Variants in TNRC6A observed in about 807,000 individuals in gnomAD.
TNRC6A encodes the protein trinucleotide repeat-containing gene 6A protein.
A neutral mutation model predicts 221.2 loss-of-function variants in TNRC6A; 44 were observed. That is an observed-to-expected ratio of 0.20 (90% CI 0.16 to 0.26). The LOEUF (loss-of-function observed/expected upper bound fraction) is 0.26, where lower values mean the gene tolerates loss of function less well. TNRC6A is among the 10% of genes least tolerant of loss of function. TNRC6A has a pLI of 1.00. For missense variants in TNRC6A, 2,199 were observed against 2,404.4 expected, an observed-to-expected ratio of 0.91 and a Z score of 1.79; for synonymous variants, 847 against 838.5, an observed-to-expected ratio of 1.01 and a Z score of -0.18.
chr16:24,630,037 T>C (rs574875071), intron 1 of TNRC6A, among the ~76,000 whole-genome samples: 133 of 152,230 alleles, frequency 8.7e-4, no homozygotes, highest in African/African-American at 3.1e-3. Context: ...CCTACATAAC[T>C]TTTCATAACT....
chr16:24,791,787 A>G lies in TNRC6A; in HGVS notation c.3145A>G (p.Ile1049Val), dbSNP rs200462909. 6.4e-7 allele frequency: 1 copy of G among 1,567,898 alleles called. No homozygotes were observed. Among genetic ancestry groups the G allele is most frequent in the Non-Finnish European group, 8.6e-7 (1 of 1,161,186 alleles). The change falls in exon 6 of 25, where the codon ATC (isoleucine) becomes GTC (valine). Residue 1049 changes from isoleucine to valine, a missense_variant. By Grantham distance (29) the Ile-to-Val change is conservative. Around this residue, in one of 8 missense-constraint regions of TNRC6A, gnomAD observed 1,405 missense variants for 1,400.2 expected, o/e 1.00. Coordinates refer to ENST00000395799, the MANE Select transcript of TNRC6A (RefSeq NM_014494.4). ...TCAGCTGCTAACGCCTGCAAGTGCCATCTCAAACAAAGAGGCAAGCAGTGG... is the reference window on the plus strand; with the variant it reads ...TCAGCTGCTAACGCCTGCAAGTGCCGTCTCAAACAAAGAGGCAAGCAGTGG... ...VHQLLTPASA[I>V]SNKEASSGSG...
At chr16:24,733,582 CAG>C (rs1038169701) in intron 2 of TNRC6A, among the ~76,000 whole-genome samples, 6 of 152,268 alleles carry the variant, frequency 3.9e-5, no homozygotes, top group African/African-American at 7.2e-5. Context: ...AGAACAACAA[CAG>C]AAGTAAGGAC....
intron 2 of TNRC6A, chr16:24,664,983 A>G (rs975440259): frequency 2.2e-6 from 1 of 456,390 alleles, no homozygotes; most frequent in African/African-American, 2.0e-5. Flanking sequence ...TTGCAGCCAG[A>G]TTCTAACATC....
chr16:24,758,085 GTC>G (rs1290195934), intron 3 of TNRC6A, among the ~76,000 whole-genome samples: 2 of 152,164 alleles, frequency 1.3e-5, no homozygotes, highest in Non-Finnish European at 2.9e-5. Context: ...ATACAGTGAT[GTC>G]TTCTATGCTT....
At position 24,779,034 on chromosome 16, in the gene TNRC6A, G is replaced by T. The variant is rs1024048287; in HGVS notation, c.589+1676G>T. Among the ~76,000 whole-genome samples, 6 of 152,166 alleles carry T rather than the reference G, an allele frequency of 3.9e-5. No individual in the cohort carries two copies. In the East Asian group the frequency reaches 7.7e-4, roughly 19 times the overall value. On this transcript the variant is annotated intron_variant, in intron 5 of 24. Transcript: ENST00000395799. Reference sequence around the variant, plus strand: ...GCCTTTTCACTTGGGGAAATGAAGAGAACCTGTTTTTGGATGGAAACAACA... The same window carrying T: ...GCCTTTTCACTTGGGGAAATGAAGATAACCTGTTTTTGGATGGAAACAACA...
chr16:24,688,099 AT>A (rs368284938), intron 2 of TNRC6A, among the ~76,000 whole-genome samples: 243 of 143,224 alleles, frequency 1.7e-3, no homozygotes, highest in Middle Eastern at 3.6e-3. Flanking sequence ...TGCCCTGCTA[AT>A]TTTTTTTTTT....
chr16:24,768,498 C>T (rs995560656), intron 4 of TNRC6A, among the ~76,000 whole-genome samples: 2 of 150,676 alleles, frequency 1.3e-5, no homozygotes, highest in Non-Finnish European at 3.0e-5. Flanking sequence ...TTTGTTGTTG[C>T]TCTTACTTGA....
At chr16:24,629,467 T>C (rs1901218144) in intron 1 of TNRC6A, among the ~76,000 whole-genome samples, 1 of 152,132 alleles carries the variant, frequency 6.6e-6, no homozygotes, top group African/African-American at 2.4e-5. Context: ...AAGTTACAAA[T>C]CTTATATCAA....
At chr16:24,660,605 GC>G (rs1240908395) in intron 2 of TNRC6A, among the ~76,000 whole-genome samples, 47 of 151,892 alleles carry the variant, frequency 3.1e-4, no homozygotes, top group African/African-American at 1.1e-3. Context: ...TGAAGCTTTA[GC>G]CTAACTCTTA....
intron 20 of TNRC6A, among the ~76,000 whole-genome samples, chr16:24,817,551 CAAATA>C (rs1224464175): frequency 6.6e-6 from 1 of 152,124 alleles, no homozygotes; most frequent in African/African-American, 2.4e-5. Flanking sequence ...AATTGGTTAG[CAAATA>C]AAATCCGATT....
intron 2 of TNRC6A, among the ~76,000 whole-genome samples, chr16:24,735,750 C>T (rs555330173): frequency 3.3e-5 from 5 of 152,200 alleles, no homozygotes; most frequent in Non-Finnish European, 7.3e-5. Context: ...TTAATGACAA[C>T]TGCAAAAGTA....
intron 2 of TNRC6A, among the ~76,000 whole-genome samples, chr16:24,710,054 C>G (rs926885792): frequency 6.6e-6 from 1 of 150,892 alleles, no homozygotes; most frequent in African/African-American, 2.4e-5. Context: ...ATGGAAAAAC[C>G]GTCTCTACTC....
chr16:24,698,751 G>T (rs967778970), intron 2 of TNRC6A, among the ~76,000 whole-genome samples: 1 of 151,964 alleles, frequency 6.6e-6, no homozygotes, highest in East Asian at 1.9e-4. Flanking sequence ...TTGCTCTGTC[G>T]CCAGGCTGGA....
In TNRC6A at chr16:24,789,816, A is replaced by T; in HGVS notation, c.1174A>T (p.Asn392Tyr). Residue 392 changes from asparagine to tyrosine, a missense_variant, in exon 6 of 25, where the codon AAT becomes TAT. By Grantham distance (143) the Asn-to-Tyr change is moderately radical. Coordinates refer to ENST00000395799, the MANE Select transcript of TNRC6A (RefSeq NM_014494.4). ...TGTAGGGAGTGGTAGTTCTGGCATT[A>T]ATATTCAGTGCAGTACTATAGGCCA... ...GPVGSGSSGINIQCSTIGQMP... is the reference protein window; with the variant it reads ...GPVGSGSSGIYIQCSTIGQMP... The T allele has an allele frequency of 1.2e-6, 2 of 1,614,188 alleles. No homozygotes were observed. The highest frequency in any genetic ancestry group is 1.7e-6 in the Non-Finnish European group (2 of 1,180,028).
chr16:24,632,068 C>T (rs1038370077), intron 1 of TNRC6A, among the ~76,000 whole-genome samples: 48 of 152,068 alleles, frequency 3.2e-4, no homozygotes, highest in African/African-American at 1.0e-3. Context: ...CCAGGCTGGT[C>T]TCGAACTCCT....
intron 4 of TNRC6A, 36 bp downstream of exon 4, chr16:24,758,396 CA>C: frequency 6.2e-7 from 1 of 1,602,720 alleles, no homozygotes; most frequent in Non-Finnish European, 8.5e-7. Context: ...TCCCTTTTTT[CA>C]TTAAAGCAAG....
chr16:24,613,591 G>C (rs1047129192), intron 1 of TNRC6A, among the ~76,000 whole-genome samples: 3 of 151,096 alleles, frequency 2.0e-5, no homozygotes, highest in East Asian at 3.9e-4. Context: ...GCAGTTGTTC[G>C]ATCTCGGGTC....
intron 2 of TNRC6A, among the ~76,000 whole-genome samples, chr16:24,674,138 A>G (rs61403449): frequency 0.026 from 3,984 of 152,174 alleles, 95 homozygotes; most frequent in East Asian, 0.1. Context: ...TGGTGTGATC[A>G]TAGCTCACTG....
intron 2 of TNRC6A, among the ~76,000 whole-genome samples, chr16:24,688,445 C>T (rs2055687041): frequency 6.6e-6 from 1 of 152,162 alleles, no homozygotes; most frequent in Non-Finnish European, 1.5e-5. Context: ...GGCATTGACC[C>T]TCACCTCCAG....
Sources: gnomAD v4.1 joint callset for allele counts (sites outside exome capture counted in the v4.1 genomes callset) on GRCh38, gnomAD v4.1.1 for gene constraint, gnomAD v4.1.1 regional missense constraint, MANE v1.5 for transcripts, NCBI Gene and HGNC (gene_info 2026-07-23, HGNC 2026-07-21) for gene names.